Variants in DPP10 observed in about 807,000 individuals in gnomAD.
DPP10 encodes the protein dipeptidyl peptidase like 10.
In DPP10, 33 loss-of-function variants were observed where a neutral mutation model predicts 120.9. The observed-to-expected ratio is 0.27, with a 90% CI of 0.21 to 0.37. The LOEUF (loss-of-function observed/expected upper bound fraction) is 0.37, where lower values mean the gene tolerates loss of function less well. Ranked by LOEUF, DPP10 falls within the 10% of genes least tolerant of loss-of-function variation. DPP10 has a pLI of 1.00. For synonymous variants in DPP10, 337 were observed against 326.1 expected (o/e 1.03, Z -0.36); for missense variants, 816 against 942.8 (o/e 0.87, Z 1.76).
At chr2:115,816,626 T>G (rs1351559530) in intron 21 of DPP10, among the ~76,000 whole-genome samples, 4 of 149,806 alleles carry the variant, frequency 2.7e-5, no homozygotes, top group South Asian at 4.2e-4. Flanking sequence ...TTTGTTTTTT[T>G]TTTTTTTTTG....
At chr2:115,025,981 C>T (rs1016109192) in intron 1 of DPP10, among the ~76,000 whole-genome samples, 1 of 151,968 alleles carries the variant, frequency 6.6e-6, no homozygotes, top group African/African-American at 2.4e-5. Context: ...TGGTTCTTCA[C>T]TTTGTTGATT....
chr2:114,496,889 C>T (rs112655726), intron 1 of DPP10, among the ~76,000 whole-genome samples: 219 of 151,990 alleles, frequency 1.4e-3, no homozygotes, highest in African/African-American at 4.7e-3. Context: ...CTTTGTTTCT[C>T]CTCCAGCCTC....
intron 3 of DPP10, among the ~76,000 whole-genome samples, chr2:115,440,219 A>G (rs970593597): frequency 4.6e-5 from 7 of 152,068 alleles, no homozygotes; most frequent in African/African-American, 1.7e-4. Context: ...GTGAAGTTGA[A>G]TAACAAGAGA....
At position 115,078,951 on chromosome 2, in the gene DPP10, G is replaced by T. The variant is rs556004475; in HGVS notation, c.61-230288G>T. On this transcript the variant is annotated intron_variant, in intron 1 of 25. Coordinates refer to ENST00000410059, the MANE Select transcript of DPP10 (RefSeq NM_020868.6). ...GTTCTTGATTAATGGGCAATTTTTT[G>T]ATTTAGATTAATTCTATGATAAACT... is the stretch of plus-strand genomic sequence containing the variant. 8.5e-5 allele frequency among the ~76,000 whole-genome samples: 13 copies of T among 152,176 alleles called. No homozygotes were observed. In the South Asian group the frequency reaches 1.7e-3, roughly 19 times the overall value.
rs144881408 is a variant in DPP10, at chr2:114,651,287, A to G, written c.60+208449A>G. 2.2e-4 allele frequency among the ~76,000 whole-genome samples: 34 copies of G among 152,202 alleles called. 1 individual carries two copies. The Middle Eastern group carries it at 0.017, about 76-fold the overall frequency. ...CTGGATCTGCCCATATGTTCAAGGT[A>G]TTTCTTCCAAGTAAGTCTGCATTAC... is the stretch of plus-strand genomic sequence containing the variant. On this transcript the variant is annotated intron_variant, in intron 1 of 25. Transcript: ENST00000410059.
intron 12 of DPP10, 48 bp from the exon 13 acceptor site, chr2:115,768,249 G>C: frequency 6.5e-7 from 1 of 1,543,536 alleles, no homozygotes; most frequent in Non-Finnish European, 8.9e-7. Context: ...AGGCAGCACA[G>C]ATTGCATGTG....
intron 13 of DPP10, among the ~76,000 whole-genome samples, chr2:115,769,654 T>C (rs1258838503): frequency 6.6e-6 from 1 of 152,008 alleles, no homozygotes; most frequent in Non-Finnish European, 1.5e-5. Flanking sequence ...AATGCATTTA[T>C]AGATGCATTT....
chr2:114,577,681 T>C (rs747477747), intron 1 of DPP10, among the ~76,000 whole-genome samples: 4 of 152,162 alleles, frequency 2.6e-5, no homozygotes, highest in Admixed American at 2.0e-4. Context: ...AGAAATTTGT[T>C]CTCTCACGGT....
At chr2:114,720,600 A>T (rs933408445) in intron 1 of DPP10, among the ~76,000 whole-genome samples, 11 of 152,180 alleles carry the variant, frequency 7.2e-5, no homozygotes, top group African/African-American at 2.7e-4. Context: ...CCACACATTT[A>T]AAAAAATGCT....
chr2:115,613,256 G>C (rs1469724116), intron 5 of DPP10, among the ~76,000 whole-genome samples: 16 of 152,120 alleles, frequency 1.1e-4, no homozygotes. Flanking sequence ...GACCAGGTGG[G>C]AGTCTCTTAT....
chr2:115,567,609 T>G (rs1370621370), intron 5 of DPP10, among the ~76,000 whole-genome samples: 1 of 152,082 alleles, frequency 6.6e-6, no homozygotes, highest in African/African-American at 2.4e-5. Flanking sequence ...CTCTAATGGA[T>G]AAGCACTTCA....
At chr2:114,888,631 A>G (rs1692284200) in intron 1 of DPP10, among the ~76,000 whole-genome samples, 1 of 152,158 alleles carries the variant, frequency 6.6e-6, no homozygotes, top group Non-Finnish European at 1.5e-5. Context: ...TAAAGATGGA[A>G]CTCAAAGAAC....
intron 3 of DPP10, among the ~76,000 whole-genome samples, chr2:115,438,296 C>T (rs1194678443): frequency 7.2e-5 from 11 of 152,104 alleles, no homozygotes; most frequent in Admixed American, 7.2e-4. Context: ...TTGTGCATTG[C>T]TGCTGCGGAA....
At chr2:115,794,963 C>A (rs535883556) in intron 19 of DPP10, among the ~76,000 whole-genome samples, 107 of 152,226 alleles carry the variant, frequency 7.0e-4, no homozygotes, top group Non-Finnish European at 1.3e-3. Context: ...TTGCAAGCAT[C>A]TTGAAGTCTA....
At chr2:114,745,702 G>A (rs1285151148) in intron 1 of DPP10, among the ~76,000 whole-genome samples, 1 of 152,146 alleles carries the variant, frequency 6.6e-6, no homozygotes, top group Admixed American at 6.5e-5. Context: ...CACGGACAAA[G>A]ACAAGTGTCT....
At chr2:115,812,072 G>A (rs1686704766) in intron 19 of DPP10, among the ~76,000 whole-genome samples, 1 of 152,104 alleles carries the variant, frequency 6.6e-6, no homozygotes, top group Admixed American at 6.5e-5. Context: ...AAATGTCTTT[G>A]AGGAAAATAT....
rs70937292 is a variant in DPP10, at chr2:114,591,554, A to ATTTTTTTTTTTTTTTTTT, written c.60+148717_60+148734dup. On this transcript the variant is annotated intron_variant, in intron 1 of 25. Coordinates refer to ENST00000410059, the MANE Select transcript of DPP10 (RefSeq NM_020868.6). ...CTCAGAATGTACCCAACCTCTTCCT[A>ATTTTTTTTTTTTTTTTTT]TTTTTTTTTTTTTTTTTTGAGATGG... is the stretch of plus-strand genomic sequence containing the variant. Among the ~76,000 whole-genome samples, 87 of 124,556 alleles carry ATTTTTTTTTTTTTTTTTT rather than the reference A, an allele frequency of 7.0e-4. 1 individual carries two copies. The highest frequency in any genetic ancestry group is 2.6e-3 in the African/African-American group (83 of 31,654). The allele number at this position is 124,556 out of a possible 152,430, so 81.7% of individuals were successfully genotyped here.
intron 5 of DPP10, among the ~76,000 whole-genome samples, chr2:115,600,341 T>G (rs1324016656): frequency 1.3e-5 from 2 of 152,186 alleles, no homozygotes; most frequent in Non-Finnish European, 2.9e-5. Flanking sequence ...GTTCAATAAT[T>G]TTTGAAAACC....
At chr2:115,304,479 G>A (rs1003614108) in intron 1 of DPP10, among the ~76,000 whole-genome samples, 3 of 152,004 alleles carry the variant, frequency 2.0e-5, no homozygotes, top group Non-Finnish European at 4.4e-5. Context: ...TAGACAGGTG[G>A]TTGGAGAAAA....
Sources: allele counts gnomAD v4.1 joint callset (sites outside exome capture counted in the v4.1 genomes callset), GRCh38; gene constraint gnomAD v4.1.1; transcripts MANE v1.5; gene names NCBI Gene and HGNC (gene_info 2026-07-23, HGNC 2026-07-21).